Variants in EGFLAM observed in about 807,000 individuals in gnomAD.
The protein encoded by EGFLAM is pikachurin.
In EGFLAM, 79 loss-of-function variants were observed where a neutral mutation model predicts 113.1. The observed-to-expected ratio is 0.70, with a 90% CI of 0.58 to 0.84. The LOEUF (loss-of-function observed/expected upper bound fraction) is 0.84, where lower values mean the gene tolerates loss of function less well. Among genes scored for constraint, EGFLAM ranks in the 40% least tolerant of loss-of-function variants. EGFLAM has a pLI of 0.00. For missense variants in EGFLAM, 1,265 were observed against 1,291.6 expected (o/e 0.98, Z 0.32); for synonymous variants, 504 against 487.6 (o/e 1.03, Z -0.44).
At chr5:38,285,475 T>C (rs749594356) in intron 1 of EGFLAM, among the ~76,000 whole-genome samples, 104 of 152,076 alleles carry the variant, frequency 6.8e-4, no homozygotes, top group Non-Finnish European at 1.3e-3. Context: ...AGGGTGGAAG[T>C]GGGTGGGGGA....
intron 1 of EGFLAM, among the ~76,000 whole-genome samples, chr5:38,321,359 G>A (rs770353058): frequency 8.5e-5 from 13 of 152,280 alleles, no homozygotes; most frequent in South Asian, 4.1e-4. Flanking sequence ...AAATACAGAC[G>A]AAGCTTGGCT....
intron 1 of EGFLAM, among the ~76,000 whole-genome samples, chr5:38,326,697 T>A (rs1465678088): frequency 6.6e-6 from 1 of 151,748 alleles, no homozygotes. Flanking sequence ...TTTCACCATG[T>A]TAGCCAGGAT....
chr5:38,367,412 A>AT (rs140514341), intron 5 of EGFLAM, among the ~76,000 whole-genome samples: 7,003 of 145,536 alleles, frequency 0.048, 178 homozygotes, highest in East Asian at 0.083. Flanking sequence ...ATGCTGGCTA[A>AT]TTTTTTTTTT....
intron 6 of EGFLAM, 34 bp from the exon 7 acceptor site, chr5:38,406,092 G>A (rs931191543): frequency 3.9e-6 from 6 of 1,553,274 alleles, no homozygotes; most frequent in South Asian, 1.1e-5. Context: ...GAAGGCCTGT[G>A]CTGATGAAGG....
intron 17 of EGFLAM, among the ~76,000 whole-genome samples, chr5:38,447,167 C>T (rs1214159115): frequency 6.6e-6 from 1 of 152,194 alleles, no homozygotes; most frequent in African/African-American, 2.4e-5. Context: ...CACACAGCTA[C>T]TTAAACTCTT....
In EGFLAM at chr5:38,406,901, AC is replaced by A. The variant is rs769940329; in HGVS notation, c.905del (p.Pro302GlnfsTer17). On this transcript the variant is annotated frameshift_variant, in exon 8 of 22. Coordinates refer to ENST00000322350, the MANE Select transcript of EGFLAM (RefSeq NM_152403.4). LOFTEE classifies it high-confidence loss of function. ...GAAAGCAAGAAGATGTCTATATCTA[AC>A]CCAAAGACCATTTCTAGGCTCATCC... ...LVESKKMSIS[N>X]PKTISRLIPP... The A allele has an allele frequency of 6.2e-7, 1 of 1,614,200 alleles. No individual in the cohort carries two copies.
chr5:38,380,716 T>C (rs1442783311), intron 6 of EGFLAM, among the ~76,000 whole-genome samples: 1 of 152,196 alleles, frequency 6.6e-6, no homozygotes, highest in Non-Finnish European at 1.5e-5. Flanking sequence ...TGCTGATGAC[T>C]CCATGCATGT....
Position 38,370,291 on chromosome 5 carries a change from TA to T in EGFLAM, c.546-2del, listed in dbSNP as rs1437264083. On this transcript the variant is annotated splice_region_variant and splice_polypyrimidine_tract_variant and intron_variant, in intron 5 of 21. Transcript: ENST00000322350. ...CTGCTTCTTCTGTTTTTCTAATCAA[TA>T]AAGGCCAGATTTCGACAAGAAGTGG... 6.2e-7 allele frequency: 1 copy of T among 1,612,598 alleles called. No homozygotes were observed. The highest frequency in any genetic ancestry group is 8.5e-7 in the Non-Finnish European group (1 of 1,178,930).
Position 38,465,373 on chromosome 5 carries a change from A to G in EGFLAM, c.*1387A>G, listed in dbSNP as rs1054674089. On this transcript the variant is annotated 3_prime_UTR_variant, in exon 22 of 22. Coordinates refer to ENST00000322350, the MANE Select transcript of EGFLAM (RefSeq NM_152403.4). ...TATAATTAGTCCCAGTCTCGACTCT[A>G]CATTTGTTTGTGCAGCATTCATTCA... is the stretch of plus-strand genomic sequence containing the variant. Among the ~76,000 whole-genome samples, 3 of 152,246 alleles carry G rather than the reference A, an allele frequency of 2.0e-5. No homozygotes were observed. The highest frequency in any genetic ancestry group is 7.2e-5 in the African/African-American group (3 of 41,460).
At chr5:38,294,677 GC>G (rs1385289533) in intron 1 of EGFLAM, among the ~76,000 whole-genome samples, 1 of 151,944 alleles carries the variant, frequency 6.6e-6, no homozygotes, top group Non-Finnish European at 1.5e-5. Flanking sequence ...AATTAGAAAG[GC>G]TATAGGTTTT....
Position 38,465,303 on chromosome 5 carries a change from G to T in EGFLAM, c.*1317G>T, listed in dbSNP as rs1304073970. On this transcript the variant is annotated 3_prime_UTR_variant, in exon 22 of 22. Coordinates refer to ENST00000322350, the MANE Select transcript of EGFLAM (RefSeq NM_152403.4). ...CTAAGGGAAAGGTGAGATGAACACT[G>T]CCCCCAAGGAGGGGGTGAAATATGA... Among the ~76,000 whole-genome samples, 1 of 152,188 alleles carries T rather than the reference G, an allele frequency of 6.6e-6. No homozygotes were observed. Among genetic ancestry groups the T allele is most frequent in the Non-Finnish European group, 1.5e-5 (1 of 68,030 alleles).
rs1013530818 is a variant in EGFLAM, at chr5:38,386,920, C to T, written c.712+16458C>T. Among the ~76,000 whole-genome samples the T allele has an allele frequency of 1.1e-4, 16 of 152,258 alleles. No homozygotes were observed. In the East Asian group the frequency reaches 1.2e-3, roughly 11 times the overall value. On this transcript the variant is annotated intron_variant, in intron 6 of 21. Transcript: ENST00000322350. ...ACATACACAGTTACCCATATGGTGA[C>T]GCACAGATATCAAGAAAATGCTCTG... is the stretch of plus-strand genomic sequence containing the variant.
intron 3 of EGFLAM, chr5:38,345,664 T>G (rs1355286680): frequency 6.6e-6 from 1 of 152,236 alleles, no homozygotes; most frequent in East Asian, 1.9e-4. Flanking sequence ...CCCACGACTC[T>G]GTTTCTCACT....
At chr5:38,313,568 A>G (rs1422605324) in intron 1 of EGFLAM, among the ~76,000 whole-genome samples, 6 of 152,226 alleles carry the variant, frequency 3.9e-5, no homozygotes, top group Non-Finnish European at 7.3e-5. Flanking sequence ...TTAAAGAGTC[A>G]TCATACATCG....
intron 14 of EGFLAM, among the ~76,000 whole-genome samples, chr5:38,427,701 G>A (rs1440011257): frequency 2.6e-5 from 4 of 152,146 alleles, no homozygotes; most frequent in Non-Finnish European, 5.9e-5. Flanking sequence ...TATCCTTGAT[G>A]ACCTCACTCT....
chr5:38,342,083 C>A (rs1579796285), intron 3 of EGFLAM, among the ~76,000 whole-genome samples: 1 of 152,192 alleles, frequency 6.6e-6, no homozygotes, highest in Admixed American at 6.5e-5. Context: ...CTGCATCTCC[C>A]TCTTGCTGAT....
chr5:38,285,152 T>A (rs971155506), intron 1 of EGFLAM, among the ~76,000 whole-genome samples: 1 of 152,166 alleles, frequency 6.6e-6, no homozygotes, highest in African/African-American at 2.4e-5. Flanking sequence ...GGAACTTTTT[T>A]AAAAAAATGA....
At chr5:38,378,951 A>T (rs1740438209) in intron 6 of EGFLAM, among the ~76,000 whole-genome samples, 1 of 152,198 alleles carries the variant, frequency 6.6e-6, no homozygotes, top group Non-Finnish European at 1.5e-5. Flanking sequence ...TGTTCCCTCC[A>T]TGCCTAGTTA....
rs73075469 is a variant in EGFLAM at position 38,426,937 on chromosome 5, A to G, written c.1811-72A>G. Reference sequence around the variant, plus strand: ...TAGGTCTGTACCCAGGAGGGAAAGAACACAGCTATGGGTGCACATCTGGCC... The same window carrying G: ...TAGGTCTGTACCCAGGAGGGAAAGAGCACAGCTATGGGTGCACATCTGGCC... On this transcript the variant is annotated intron_variant, in intron 13 of 21. Coordinates refer to ENST00000322350, the MANE Select transcript of EGFLAM (RefSeq NM_152403.4). 3,505 of 1,574,252 alleles carry G rather than the reference A, an allele frequency of 2.2e-3. 68 individuals are homozygous for G. The African/African-American group carries it at 0.041, about 19-fold the overall frequency.
Sources: allele counts gnomAD v4.1 joint callset (sites outside exome capture counted in the v4.1 genomes callset), GRCh38; gene constraint gnomAD v4.1.1; transcripts MANE v1.5; gene names NCBI Gene and HGNC (gene_info 2026-07-23, HGNC 2026-07-21).